ATP9A: variants seen among roughly 807,000 people sequenced by gnomAD.
ATP9A encodes the protein probable phospholipid-transporting ATPase IIA.
Under a neutral mutation model 144.1 loss-of-function variants are expected in ATP9A, and 52 were observed. That is an observed-to-expected ratio of 0.36 (90% confidence interval 0.29 to 0.45). ATP9A has a LOEUF of 0.45. Among genes scored for constraint, ATP9A ranks in the 20% least tolerant of loss-of-function variants. The pLI, the probability that ATP9A is intolerant of heterozygous loss-of-function variation, is 1.00. For synonymous variants in ATP9A, 582 were observed against 557.4 expected, an observed-to-expected ratio of 1.04 and a Z score of -0.62; for missense variants, 947 against 1,392.7, an observed-to-expected ratio of 0.68 and a Z score of 5.09.
chr20:51,739,924 C>G (rs1001533335), intron 1 of ATP9A, among the ~76,000 whole-genome samples: 4 of 152,206 alleles, frequency 2.6e-5, no homozygotes, highest in Admixed American at 1.3e-4. Context: ...CCAAGGAGGA[C>G]AGCAGAGACA....
chr20:51,723,896 T>G (rs1465243138), intron 3 of ATP9A, among the ~76,000 whole-genome samples: 1 of 152,056 alleles, frequency 6.6e-6, no homozygotes, highest in Non-Finnish European at 1.5e-5. Context: ...TAGAGCCAGG[T>G]GCAGTGTCTC....
In ATP9A at chr20:51,639,303, G is replaced by A. The variant is rs116010705; in HGVS notation, c.1668+40C>T. On this transcript the variant is annotated intron_variant, in intron 15 of 27. Coordinates refer to ENST00000338821, the MANE Select transcript of ATP9A (RefSeq NM_006045.3). ...ACAGGGACACACGCAGCACACCTGG[G>A]GTACTTAAGCACTTTAAGCCATGAA... 298 of 1,579,040 alleles carry A rather than the reference G, an allele frequency of 1.9e-4. 3 individuals are homozygous for A. The African/African-American group carries it at 3.4e-3, about 18-fold the overall frequency.
intron 14 of ATP9A, among the ~76,000 whole-genome samples, chr20:51,647,962 G>A (rs1407951683): frequency 1.3e-5 from 2 of 152,132 alleles, no homozygotes; most frequent in African/African-American, 2.4e-5. Flanking sequence ...ACCCCACTTC[G>A]GTGGTTAATC....
At chr20:51,730,385 T>C (rs1414926325) in intron 1 of ATP9A, among the ~76,000 whole-genome samples, 1 of 152,158 alleles carries the variant, frequency 6.6e-6, no homozygotes, top group African/African-American at 2.4e-5. Flanking sequence ...GGATAATCGC[T>C]TGAAACCAAG....
intron 1 of ATP9A, among the ~76,000 whole-genome samples, chr20:51,757,925 G>A (rs1374101059): frequency 2.0e-5 from 3 of 151,712 alleles, no homozygotes; most frequent in African/African-American, 7.3e-5. Context: ...GGTTTTAAAT[G>A]TATAAGCACA....
intron 2 of ATP9A, among the ~76,000 whole-genome samples, chr20:51,727,716 G>C (rs2077721201): frequency 6.6e-6 from 1 of 152,100 alleles, no homozygotes; most frequent in Non-Finnish European, 1.5e-5. Flanking sequence ...TGAATCACGA[G>C]GTCAGGAGTT....
Position 51,729,952 on chromosome 20 carries a change from C to T in ATP9A, c.95G>A (p.Gly32Asp), listed in dbSNP as rs142435125. ...AGTGCGGGGCCTGGCCTCCCCTCCA[C>T]CGCAGCATCTCAGCCACTCGCAGCA... Reference protein sequence around the residue: ...AGCCEWLRCCGGGEARPRTVW... With the variant: ...AGCCEWLRCCDGGEARPRTVW... Residue 32 changes from glycine to aspartate, a missense_variant, in exon 2 of 28, where the codon GGT (glycine) becomes GAT (aspartate). Around this residue, in one of 2 missense-constraint regions of ATP9A, gnomAD observed 770 missense variants for 1,047.9 expected, o/e 0.73. Coordinates refer to ENST00000338821, the MANE Select transcript of ATP9A (RefSeq NM_006045.3). 2.5e-6 allele frequency: 4 copies of T among 1,570,374 alleles called. No individual in the cohort carries two copies. Among genetic ancestry groups the T allele is most frequent in the Admixed American group, 2.1e-5 (1 of 48,390 alleles).
intron 1 of ATP9A, among the ~76,000 whole-genome samples, chr20:51,753,393 G>A (rs2077841172): frequency 1.3e-5 from 2 of 152,078 alleles, no homozygotes; most frequent in Admixed American, 6.6e-5. Context: ...GGAGGTTGCA[G>A]TGAGCCGAAA....
At chr20:51,718,958 T>C (rs1461456926) in intron 3 of ATP9A, among the ~76,000 whole-genome samples, 5 of 149,984 alleles carry the variant, frequency 3.3e-5, no homozygotes, top group Non-Finnish European at 5.9e-5. Flanking sequence ...TGAAACCCCA[T>C]CTCTACTAAA....
Position 51,613,668 on chromosome 20 carries a change from T to C in ATP9A, c.2571+9A>G, listed in dbSNP as rs374667859. On this transcript the variant is annotated intron_variant, in intron 23 of 27. Transcript: ENST00000338821. ...GGCACATGTGCAGAGGGGCCAGCTG[T>C]CCACTCACCTGCATGGTGCTGATAC... 1.5e-5 allele frequency: 24 copies of C among 1,611,044 alleles called. No homozygotes were observed. The highest frequency in any genetic ancestry group is 2.7e-5 in the African/African-American group (2 of 74,838).
chr20:51,727,950 T>C (rs2122871306), intron 2 of ATP9A, among the ~76,000 whole-genome samples: 2 of 148,700 alleles, frequency 1.3e-5, no homozygotes, highest in Admixed American at 6.7e-5. Flanking sequence ...AAAAAAGCTA[T>C]GTCCACAACA....
intron 9 of ATP9A, among the ~76,000 whole-genome samples, chr20:51,686,857 C>G (rs1188743460): frequency 6.6e-6 from 1 of 151,494 alleles, no homozygotes; most frequent in African/African-American, 2.4e-5. Flanking sequence ...ATCACGTGAA[C>G]CTGGGAGGCG....
At chr20:51,638,117 A>ATCTATC (rs1218809924) in intron 15 of ATP9A, among the ~76,000 whole-genome samples, 1 of 102,962 alleles carries the variant, frequency 9.7e-6, no homozygotes, top group African/African-American at 4.4e-5. Flanking sequence ...ATATATATAT[A>ATCTATC]TATATATCTC....
intron 13 of ATP9A, among the ~76,000 whole-genome samples, chr20:51,659,010 C>A (rs1440363930): frequency 2.0e-5 from 3 of 151,862 alleles, no homozygotes; most frequent in Non-Finnish European, 4.4e-5. Flanking sequence ...TCTGCTCCAG[C>A]CATGCTGGCC....
At chr20:51,720,005 T>C (rs2077681927) in intron 3 of ATP9A, among the ~76,000 whole-genome samples, 2 of 151,138 alleles carry the variant, frequency 1.3e-5, no homozygotes, top group African/African-American at 4.9e-5. Flanking sequence ...GCCCAGATCA[T>C]GCCACTGCAC....
intron 1 of ATP9A, among the ~76,000 whole-genome samples, chr20:51,746,672 T>C: frequency 6.6e-6 from 1 of 152,164 alleles, no homozygotes; most frequent in Non-Finnish European, 1.5e-5. Flanking sequence ...ACCTCGTCTC[T>C]ACTAAAAATA....
intron 1 of ATP9A, among the ~76,000 whole-genome samples, chr20:51,767,864 A>G (rs781119423): frequency 9.9e-5 from 15 of 152,196 alleles, no homozygotes; most frequent in Admixed American, 5.2e-4. Context: ...CTAAAAGCTG[A>G]GCATATCTGG....
At chr20:51,740,392 C>T (rs1433899421) in intron 1 of ATP9A, among the ~76,000 whole-genome samples, 1 of 148,652 alleles carries the variant, frequency 6.7e-6, no homozygotes, top group Non-Finnish European at 1.5e-5. Context: ...AGTCTGTCAG[C>T]CACTATCTAA....
chr20:51,608,464 A>G lies in ATP9A; in HGVS notation c.2745+54T>C, dbSNP rs555655803. ...AAAAAAAGCAGGGAGGGAGGGAAGG[A>G]AGGGAAAAGCAAAGGAGGAAAGGAG... On this transcript the variant is annotated intron_variant, in intron 25 of 27. Transcript: ENST00000338821. The G allele has an allele frequency of 5.2e-5, 61 of 1,162,116 alleles. No individual in the cohort carries two copies. In the South Asian group the frequency reaches 7.4e-4, roughly 14 times the overall value. 72.0% of individuals were successfully genotyped at this position (1,162,116 alleles called of 1,614,324 possible). A position where few individuals can be genotyped will look rare whatever the true frequency, so the allele number is the denominator to read the frequency against.
Sources: allele counts gnomAD v4.1 joint callset (sites outside exome capture counted in the v4.1 genomes callset), GRCh38; gene constraint gnomAD v4.1.1; regional missense constraint gnomAD v4.1.1; transcripts MANE v1.5; gene names NCBI Gene and HGNC (gene_info 2026-07-23, HGNC 2026-07-21).